Variants in TSNARE1 observed in about 807,000 individuals in gnomAD.
The protein encoded by TSNARE1 is t-SNARE domain containing 1.
A neutral mutation model predicts 62.0 loss-of-function variants in TSNARE1; 49 were observed. That is an observed-to-expected ratio of 0.79 (90% CI 0.63 to 1.00). The LOEUF (loss-of-function observed/expected upper bound fraction) is 1.00, where lower values mean the gene tolerates loss of function less well. Among genes scored for constraint, TSNARE1 ranks in the 50% least tolerant of loss-of-function variants. TSNARE1 has a pLI of 0.00. For synonymous variants in TSNARE1, 328 were observed against 294.4 expected (o/e 1.11, Z -1.17); for missense variants, 755 against 700.1 (o/e 1.08, Z -0.88).
intron 12 of TSNARE1, chr8:142,271,445 G>T: frequency 8.0e-7 from 1 of 1,256,320 alleles, no homozygotes; most frequent in Non-Finnish European, 1.0e-6. Context: ...CGTTTCAGAT[G>T]CTGCCGCTGG....
chr8:142,290,668 T>C (rs1311419297), intron 10 of TSNARE1, among the ~76,000 whole-genome samples: 2 of 152,252 alleles, frequency 1.3e-5, no homozygotes, highest in Non-Finnish European at 2.9e-5. Context: ...CATTTATTTG[T>C]CCACTCGCCC....
chr8:142,270,747 C>T (rs1299814634), intron 12 of TSNARE1: 26 of 985,358 alleles, frequency 2.6e-5, no homozygotes, highest in Non-Finnish European at 3.0e-5. Context: ...CCCACCTCCC[C>T]TGCTTCCAGG....
intron 11 of TSNARE1, among the ~76,000 whole-genome samples, chr8:142,279,387 T>C (rs1821026043): frequency 6.6e-6 from 1 of 152,188 alleles, no homozygotes; most frequent in Non-Finnish European, 1.5e-5. Context: ...CACCCTGGGC[T>C]GCACCCGCTG....
Position 142,344,353 on chromosome 8 carries a change from G to A in TSNARE1, c.358C>T (p.Arg120Trp), listed in dbSNP as rs556972748. ...AAGTTGGGCTTCCTCTTCTTGGCCC[G>A]GGTAGTGCTGGGCCCCGCCATCCGG... ...HGRMAGPSTTRAKKRKPNFCP... is the reference protein window; with the variant it reads ...HGRMAGPSTTWAKKRKPNFCP... The change falls in exon 4 of 14, where the codon CGG becomes TGG. Residue 120 changes from arginine to tryptophan, a missense_variant. Transcript: ENST00000524325. The A allele has an allele frequency of 2.1e-5, 33 of 1,572,398 alleles. No individual in the cohort carries two copies. Among genetic ancestry groups the A allele is most frequent in the South Asian group, 1.5e-4 (13 of 84,784 alleles).
chr8:142,383,932 AG>A (rs1380625612), intron 1 of TSNARE1, among the ~76,000 whole-genome samples: 2 of 152,224 alleles, frequency 1.3e-5, no homozygotes, highest in African/African-American at 4.8e-5. Context: ...AGCACAAGTG[AG>A]GGCTATGACC....
At chr8:142,366,772 C>T (rs532864568) in intron 1 of TSNARE1, among the ~76,000 whole-genome samples, 1 of 152,210 alleles carries the variant, frequency 6.6e-6, no homozygotes, top group South Asian at 2.1e-4. Context: ...GTGGTGTCAG[C>T]CAATGCAGTT....
chr8:142,269,166 G>A (rs1055254369), intron 12 of TSNARE1, among the ~76,000 whole-genome samples: 9 of 152,224 alleles, frequency 5.9e-5, no homozygotes, highest in Non-Finnish European at 1.3e-4. Flanking sequence ...CAGGGTCAGG[G>A]CTGGGGCCAG....
chr8:142,279,096 C>T (rs546237212), intron 11 of TSNARE1, among the ~76,000 whole-genome samples: 10 of 152,286 alleles, frequency 6.6e-5, no homozygotes, highest in African/African-American at 2.2e-4. Flanking sequence ...CGGAGGGAAG[C>T]CCTCCTTCTT....
chr8:142,279,905 C>A, intron 11 of TSNARE1: 1 of 1,040,166 alleles, frequency 9.6e-7, no homozygotes, highest in Non-Finnish European at 1.2e-6. Context: ...GGACCGTGGG[C>A]AGAAAAGGTC....
chr8:142,355,681 G>A (rs1834670866), intron 1 of TSNARE1, among the ~76,000 whole-genome samples: 1 of 152,208 alleles, frequency 6.6e-6, no homozygotes, highest in African/African-American at 2.4e-5. Flanking sequence ...TACGGAACCT[G>A]CTGGCCAGGC....
chr8:142,233,061 G>A (rs936504493), intron 12 of TSNARE1, among the ~76,000 whole-genome samples: 5 of 152,340 alleles, frequency 3.3e-5, no homozygotes, highest in African/African-American at 9.6e-5. Context: ...CCCAAGCTGA[G>A]GGAGGGGACA....
At chr8:142,220,064 C>A (rs1227522806) in intron 13 of TSNARE1, among the ~76,000 whole-genome samples, 2 of 152,200 alleles carry the variant, frequency 1.3e-5, no homozygotes, top group Non-Finnish European at 2.9e-5. Context: ...CCGCTGTGTC[C>A]CGCCTTGGGT....
intron 12 of TSNARE1, chr8:142,272,918 G>A (rs1191687182): frequency 4.1e-6 from 4 of 985,314 alleles, no homozygotes; most frequent in African/African-American, 1.7e-5. Context: ...GGTGGGAGCA[G>A]GACATTCTAT....
At chr8:142,377,444 A>C (rs1356209493) in intron 1 of TSNARE1, among the ~76,000 whole-genome samples, 4 of 152,264 alleles carry the variant, frequency 2.6e-5, no homozygotes, top group African/African-American at 9.6e-5. Flanking sequence ...CAAACATGAC[A>C]AAGGCTGCTA....
intron 10 of TSNARE1, among the ~76,000 whole-genome samples, chr8:142,288,034 C>G (rs920707853): frequency 2.0e-5 from 3 of 152,274 alleles, no homozygotes; most frequent in Non-Finnish European, 4.4e-5. Context: ...ATCTGCTTCC[C>G]ATGAGCAGGG....
At chr8:142,335,596 T>C (rs1302649392) in intron 4 of TSNARE1, among the ~76,000 whole-genome samples, 1 of 145,888 alleles carries the variant, frequency 6.9e-6, no homozygotes, top group East Asian at 2.0e-4. Flanking sequence ...TCAATTCTAC[T>C]CCAAAAAAAA....
chr8:142,336,008 C>T (rs1434135651), intron 4 of TSNARE1, among the ~76,000 whole-genome samples: 2 of 152,170 alleles, frequency 1.3e-5, no homozygotes, highest in Admixed American at 6.5e-5. Flanking sequence ...TCCGGCCAGG[C>T]GTGGCGGCTC....
chr8:142,356,223 C>G (rs1834721452), intron 1 of TSNARE1, among the ~76,000 whole-genome samples: 1 of 152,214 alleles, frequency 6.6e-6, no homozygotes, highest in African/African-American at 2.4e-5. Flanking sequence ...CCTTGTTCTG[C>G]CCAGGGCGCA....
At chr8:142,343,260 G>A (rs905922560) in intron 4 of TSNARE1, among the ~76,000 whole-genome samples, 2 of 152,198 alleles carry the variant, frequency 1.3e-5, no homozygotes, top group Non-Finnish European at 2.9e-5. Flanking sequence ...TCTTCTGGGT[G>A]TTAAAAACAG....
Sources: gnomAD v4.1 joint callset for allele counts (sites outside exome capture counted in the v4.1 genomes callset) on GRCh38, gnomAD v4.1.1 for gene constraint, MANE v1.5 for transcripts, NCBI Gene and HGNC (gene_info 2026-07-23, HGNC 2026-07-21) for gene names.